APOL2: variants seen among roughly 807,000 people sequenced by gnomAD.
APOL2 encodes apolipoprotein L, 2.
APOL2 carries 8 observed loss-of-function variants against 7.1 expected under a neutral mutation model. The ratio of observed to expected loss-of-function variants is 1.12; its 90% CI spans 0.66 to 2.03. The LOEUF is 2.03. APOL2 is among the 30% of genes most tolerant of loss of function. The probability of loss-of-function intolerance (pLI) is 0.00; values close to 1 mark genes in which losing one functional copy is unlikely to be tolerated. For missense variants in APOL2, 471 were observed against 415.1 expected (o/e 1.13, Z -1.17); for synonymous variants, 177 against 159.9 (o/e 1.11, Z -0.81).
chr22:36,233,869 A>G (rs1230582263), intron 1 of APOL2, among the ~76,000 whole-genome samples: 1 of 152,162 alleles, frequency 6.6e-6, no homozygotes, highest in African/African-American at 2.4e-5. Flanking sequence ...ATGACTCCTC[A>G]TTGCAAATCC....
At chr22:36,232,676 T>C (rs2015263807) in intron 3 of APOL2, among the ~76,000 whole-genome samples, 1 of 152,084 alleles carries the variant, frequency 6.6e-6, no homozygotes, top group African/African-American at 2.4e-5. Flanking sequence ...TACATTCCCA[T>C]AGGGCCACTC....
At chr22:36,234,513 T>C (rs2015336603) in intron 1 of APOL2, among the ~76,000 whole-genome samples, 2 of 152,210 alleles carry the variant, frequency 1.3e-5, no homozygotes, top group African/African-American at 4.8e-5. Context: ...CTGATCTTTA[T>C]ATAGAGGAAA....
chr22:36,227,380 C>T lies in APOL2; in HGVS notation c.*24G>A. 1 of 1,566,184 alleles carries T rather than the reference C, an allele frequency of 6.4e-7. No individual in the cohort carries two copies. The highest frequency in any genetic ancestry group is 8.6e-7 in the Non-Finnish European group (1 of 1,158,810). ...CCTGGCCTGTGCCCGGCATTTCTGC[C>T]CTGGTGGCTGCACTGCTCTGGGGTC... On this transcript the variant is annotated 3_prime_UTR_variant, in exon 5 of 5. Coordinates refer to ENST00000358502, the MANE Select transcript of APOL2 (RefSeq NM_030882.4).
At position 36,226,786 on chromosome 22, in the gene APOL2, C is replaced by T. The variant is rs1179114966; in HGVS notation, c.*618G>A. On this transcript the variant is annotated 3_prime_UTR_variant, in exon 5 of 5. Coordinates refer to ENST00000358502, the MANE Select transcript of APOL2 (RefSeq NM_030882.4). ...TCATTGCTGGTTCCTGCAAGCTCCC[C>T]CTCTATTCTTCGCCCAATATATTCT... The T allele has an allele frequency of 6.3e-6, 1 of 158,202 alleles. No homozygotes were observed. Among genetic ancestry groups the T allele is most frequent in the African/African-American group, 2.4e-5 (1 of 41,470 alleles). 9.8% of individuals were successfully genotyped at this position (158,202 alleles called of 1,614,324 possible).
intron 4 of APOL2, among the ~76,000 whole-genome samples, chr22:36,229,134 C>T (rs1261787421): frequency 6.6e-6 from 1 of 152,222 alleles, no homozygotes; most frequent in East Asian, 1.9e-4. Context: ...GTCCTCCCCG[C>T]TTGCTGTCTG....
At position 36,238,946 on chromosome 22, in the gene APOL2, A is replaced by G. The variant is rs543636831; in HGVS notation, c.-134+495T>C. Among the ~76,000 whole-genome samples, 4 of 152,334 alleles carry G rather than the reference A, an allele frequency of 2.6e-5. No individual in the cohort carries two copies. In the East Asian group the frequency reaches 7.7e-4, roughly 29 times the overall value. Reference sequence around the variant, plus strand: ...TAGGTGCTCAGACTCAGGGTGAGTGAGACAACCTCTGAGTTCCTTGTGTCT... The same window carrying G: ...TAGGTGCTCAGACTCAGGGTGAGTGGGACAACCTCTGAGTTCCTTGTGTCT... On this transcript the variant is annotated intron_variant, in intron 1 of 4. Transcript: ENST00000358502.
chr22:36,237,573 T>C (rs1404863993), intron 1 of APOL2, among the ~76,000 whole-genome samples: 5 of 151,450 alleles, frequency 3.3e-5, no homozygotes, highest in Non-Finnish European at 7.4e-5. Flanking sequence ...CATGCAGGAC[T>C]AATTTGTTAA....
chr22:36,236,598 T>C, intron 1 of APOL2: 2 of 985,396 alleles, frequency 2.0e-6, no homozygotes, highest in Non-Finnish European at 2.4e-6. Flanking sequence ...TTTCTCACCT[T>C]GTGTCTCTGC....
intron 3 of APOL2, 32 bp from the exon 4 acceptor site, chr22:36,231,498 G>A (rs552895545): frequency 1.6e-5 from 26 of 1,608,654 alleles, no homozygotes; most frequent in Non-Finnish European, 2.1e-5. Context: ...TAAGGTTGGA[G>A]GATAGTGTAG....
At chr22:36,233,540 G>T in intron 1 of APOL2, 85 bp from the exon 2 acceptor site, 1 of 1,232,080 alleles carries the variant, frequency 8.1e-7, no homozygotes, top group Non-Finnish European at 1.2e-6. Context: ...CACAGGAATA[G>T]AGATGGGAGG....
Position 36,233,153 on chromosome 22 carries a change from C to T in APOL2, c.10G>A (p.Glu4Lys). Reference sequence around the variant, plus strand: ...GCCAGGAAAGAGGAAGCGAGCCTACCTGGGTTCATGGTGCCAGCGGCTGGG... The same window carrying T: ...GCCAGGAAAGAGGAAGCGAGCCTACTTGGGTTCATGGTGCCAGCGGCTGGG... The part of the protein sequence containing the change: MNP[E>K]SSIFIEDYLK... Residue 4 changes from glutamate to lysine, a missense_variant and splice_region_variant, in exon 3 of 5, where the codon GAG becomes AAG. Glu to Lys is a moderately conservative substitution (Grantham distance 56). Transcript: ENST00000358502. The T allele has an allele frequency of 6.2e-7, 1 of 1,614,096 alleles. No individual in the cohort carries two copies. Among genetic ancestry groups the T allele is most frequent in the Non-Finnish European group, 8.5e-7 (1 of 1,179,976 alleles).
upstream of APOL2, chr22:36,239,537 C>G (rs532955652): frequency 2.5e-6 from 4 of 1,577,518 alleles, no homozygotes; most frequent in Non-Finnish European, 3.4e-6. Flanking sequence ...TAACCAGACA[C>G]GTCCTCCGGC....
At chr22:36,235,262 T>A (rs2146979857) in intron 1 of APOL2, among the ~76,000 whole-genome samples, 1 of 152,228 alleles carries the variant, frequency 6.6e-6, no homozygotes, top group East Asian at 1.9e-4. Flanking sequence ...ATTCTGACAC[T>A]TCAGTGGGTT....
In APOL2 at chr22:36,227,513, GCC is replaced by G. The variant is rs1349206877; in HGVS notation, c.903_904del (p.Ala302LysfsTer6). 6.2e-7 allele frequency: 1 copy of G among 1,613,936 alleles called. No individual in the cohort carries two copies. The highest frequency in any genetic ancestry group is 1.3e-5 in the African/African-American group (1 of 74,856). ...CAGCTCCTCAGCTGACTCTGACTTT[GCC>G]CCCTCAAGCAAGTGCTTTGACTCAT... On this transcript the variant is annotated frameshift_variant, in exon 5 of 5. Coordinates refer to ENST00000358502, the MANE Select transcript of APOL2 (RefSeq NM_030882.4). LOFTEE classifies it low-confidence loss of function (END_TRUNC).
At chr22:36,237,082 C>T in intron 1 of APOL2, 2 of 1,531,630 alleles carry the variant, frequency 1.3e-6, no homozygotes, top group East Asian at 2.5e-5. Context: ...TTGTGAGGAG[C>T]TGCATCCAGG....
In APOL2 at chr22:36,235,744, GGTGGGTGGGTGGGT is replaced by G. The variant is rs1388620565; in HGVS notation, c.-133-2303_-133-2290del. The stretch of plus-strand genomic sequence containing the variant: ...GAATGAGCCACCGGGAGGAAGAAAG[GGTGGGTGGGTGGGT>G]GTGTGTGTGTGTGTGTGTGTGTGTG... On this transcript the variant is annotated intron_variant, in intron 1 of 4. Transcript: ENST00000358502. Among the ~76,000 whole-genome samples the G allele has an allele frequency of 1.4e-3, 137 of 100,998 alleles. 1 individual carries two copies. The highest frequency in any genetic ancestry group is 6.0e-3 in the African/African-American group (117 of 19,504). 66.3% of individuals were successfully genotyped at this position (100,998 alleles called of 152,430 possible).
chr22:36,234,185 A>G (rs919846425), intron 1 of APOL2: 4 of 152,250 alleles, frequency 2.6e-5, no homozygotes, highest in Non-Finnish European at 4.4e-5. Context: ...GATACTTTTA[A>G]GAGTAGAATG....
In APOL2 at chr22:36,237,257, G is replaced by A. The variant is rs572229003; in HGVS notation, c.-134+2184C>T. 13 of 1,359,668 alleles carry A rather than the reference G, an allele frequency of 9.6e-6. No homozygotes were observed. In the African/African-American group the frequency reaches 1.7e-4, roughly 17 times the overall value. 84.2% of individuals were successfully genotyped at this position (1,359,668 alleles called of 1,614,324 possible). A position where few individuals can be genotyped will look rare whatever the true frequency, so the allele number is the denominator to read the frequency against. ...TTCCGGTGTCCAACTGAGCGACCTG[G>A]AAGAGGAGCCCTCCCTCCCACCTCA... On this transcript the variant is annotated intron_variant, in intron 1 of 4. Coordinates refer to ENST00000358502, the MANE Select transcript of APOL2 (RefSeq NM_030882.4).
chr22:36,237,463 C>T, intron 1 of APOL2: 3 of 951,558 alleles, frequency 3.2e-6, no homozygotes, highest in Non-Finnish European at 3.9e-6. Flanking sequence ...GTCTGGAGTG[C>T]TTTGGGGCTA....
Sources: allele counts gnomAD v4.1 joint callset (sites outside exome capture counted in the v4.1 genomes callset), GRCh38; gene constraint gnomAD v4.1.1; transcripts MANE v1.5; gene names NCBI Gene and HGNC (gene_info 2026-07-23, HGNC 2026-07-21).